NPR3: variants seen among roughly 807,000 people sequenced by gnomAD.
NPR3 encodes natriuretic peptide receptor 3, also known as atrial natriuretic peptide receptor 3.
In NPR3, 34 loss-of-function variants were observed where a neutral mutation model predicts 54.5. The observed-to-expected ratio is 0.62, with a 90% CI of 0.47 to 0.83. The LOEUF (loss-of-function observed/expected upper bound fraction) is 0.83. NPR3 is among the 40% of genes least tolerant of loss of function. The pLI is 0.00. For missense variants in NPR3, 674 were observed against 720.8 expected, an observed-to-expected ratio of 0.94 and a Z score of 0.74; for synonymous variants, 289 against 297.1, an observed-to-expected ratio of 0.97 and a Z score of 0.28.
At position 32,782,972 on chromosome 5, in the gene NPR3, T is replaced by C. The variant is rs1742418392; in HGVS notation, c.1370T>C (p.Leu457Pro). The change falls in exon 6 of 8, where the codon CTG (leucine) becomes CCG (proline). Residue 457 changes from leucine (L) to proline (P), a missense_variant. Coordinates refer to ENST00000265074, the MANE Select transcript of NPR3 (RefSeq NM_001204375.2). The part of the protein sequence containing the change: ...NVKYPWGPLK[L>P]RIDENRIVEH... ...AAATATCCTTGGGGCCCTTTAAAAC[T>C]GAGAATAGATGAAAACCGAATTGTA... The C allele has an allele frequency of 6.2e-7, 1 of 1,608,880 alleles. No individual in the cohort carries two copies. The highest frequency in any genetic ancestry group is 1.1e-5 in the South Asian group (1 of 90,082).
chr5:32,740,547 AC>A (rs1348751859), intron 3 of NPR3, among the ~76,000 whole-genome samples: 1 of 152,024 alleles, frequency 6.6e-6, no homozygotes, highest in Non-Finnish European at 1.5e-5. Flanking sequence ...ATACAATGTG[AC>A]CCAAAAAAGT....
At chr5:32,701,006 TCCA>T (rs1737772130) in intron 1 of NPR3, among the ~76,000 whole-genome samples, 1 of 152,202 alleles carries the variant, frequency 6.6e-6, no homozygotes, top group South Asian at 2.1e-4. Context: ...AATTTACACT[TCCA>T]CCAACAGTGT....
chr5:32,756,702 G>A (rs2111998518), intron 3 of NPR3, among the ~76,000 whole-genome samples: 1 of 152,264 alleles, frequency 6.6e-6, no homozygotes, highest in South Asian at 2.1e-4. Context: ...GAATGGTATT[G>A]CCTAGGTTTT....
intron 1 of NPR3, among the ~76,000 whole-genome samples, chr5:32,700,029 G>T (rs1304288990): frequency 1.3e-5 from 2 of 152,114 alleles, no homozygotes; most frequent in Non-Finnish European, 2.9e-5. Context: ...ACTCTCTCCT[G>T]GCCTGTAAGG....
At chr5:32,755,938 A>AT (rs1376056312) in intron 3 of NPR3, among the ~76,000 whole-genome samples, 1 of 152,096 alleles carries the variant, frequency 6.6e-6, no homozygotes, top group Non-Finnish European at 1.5e-5. Context: ...TGAACTCATC[A>AT]TTTTTTATGG....
Position 32,787,235 on chromosome 5 carries a change from C to A in NPR3, c.*890C>A, listed in dbSNP as rs1269400268. 2 of 152,554 alleles carry A rather than the reference C, an allele frequency of 1.3e-5. No individual in the cohort carries two copies. Among genetic ancestry groups the A allele is most frequent in the Admixed American group, 6.5e-5 (1 of 15,276 alleles). The allele number at this position is 152,554 out of a possible 1,614,324, so 9.5% of individuals were successfully genotyped here. ...GTTTCCCTTTTTCCCTTGGCCACAG[C>A]CAAATGCTAATTGCTGCTTTAATTA... On this transcript the variant is annotated 3_prime_UTR_variant, in exon 8 of 8. Transcript: ENST00000265074.
intron 4 of NPR3, among the ~76,000 whole-genome samples, chr5:32,777,688 T>C (rs558368290): frequency 1.3e-5 from 2 of 152,188 alleles, no homozygotes; most frequent in South Asian, 2.1e-4. Flanking sequence ...ATGGTGGCAA[T>C]TGGTAGATTT....
chr5:32,746,246 T>C (rs923312970), intron 3 of NPR3, among the ~76,000 whole-genome samples: 1 of 152,240 alleles, frequency 6.6e-6, no homozygotes, highest in African/African-American at 2.4e-5. Context: ...GTGGATGTTT[T>C]CTTGACCTAG....
At chr5:32,745,245 G>A (rs1002259179) in intron 3 of NPR3, among the ~76,000 whole-genome samples, 1 of 152,142 alleles carries the variant, frequency 6.6e-6, no homozygotes. Flanking sequence ...GGACCATCTG[G>A]AGGTCCCCTG....
chr5:32,757,394 G>A (rs986072812), intron 3 of NPR3, among the ~76,000 whole-genome samples: 13 of 151,844 alleles, frequency 8.6e-5, no homozygotes, highest in Non-Finnish European at 1.9e-4. Context: ...CTCATGATTT[G>A]GCTATTTGTC....
chr5:32,712,323 A>G lies in NPR3; in HGVS notation c.547A>G (p.Lys183Glu), dbSNP rs758572889. Residue 183 changes from lysine (K) to glutamate (E), a missense_variant, in exon 1 of 8, where the codon AAG (lysine) becomes GAG (glutamate). Physicochemically the swap from Lys to Glu is moderately conservative, Grantham distance 56. Coordinates refer to ENST00000265074, the MANE Select transcript of NPR3 (RefSeq NM_001204375.2). ...CACGCGCGTGGCGCCCGCCTACGCC[A>G]AGATGGGCGAGATGATGCTCGCCCT... ...HLTRVAPAYAKMGEMMLALFR... is the reference protein window; with the variant it reads ...HLTRVAPAYAEMGEMMLALFR... 1.2e-6 allele frequency: 2 copies of G among 1,613,446 alleles called. No homozygotes were observed. Among genetic ancestry groups the G allele is most frequent in the Non-Finnish European group, 1.7e-6 (2 of 1,179,692 alleles).
chr5:32,767,980 C>G (rs990910732), intron 3 of NPR3, among the ~76,000 whole-genome samples: 3 of 152,298 alleles, frequency 2.0e-5, no homozygotes, highest in African/African-American at 4.8e-5. Flanking sequence ...CCTCCACCTC[C>G]GTTTGACCTG....
chr5:32,748,663 AGGGACC>A (rs1740424525), intron 3 of NPR3, among the ~76,000 whole-genome samples: 1 of 152,206 alleles, frequency 6.6e-6, no homozygotes, highest in African/African-American at 2.4e-5. Context: ...TGACAGGGAA[AGGGACC>A]TGGAGGAGTA....
chr5:32,724,730 C>G lies in NPR3; in HGVS notation c.802C>G (p.Arg268Gly), dbSNP rs779442645. The change falls in exon 2 of 8, where the codon CGG (arginine) becomes GGG (glycine). Residue 268 changes from arginine (R) to glycine (G), a missense_variant. Physicochemically the swap from Arg to Gly is moderately radical, Grantham distance 125. Transcript: ENST00000265074. ...VIMCASSDTI[R>G]SIMLVAHRHG... ...CATGTGTGCGAGCAGTGACACCATC[C>G]GGAGCATCATGCTGGTGGCGCACAG... is the stretch of plus-strand genomic sequence containing the variant. 9.3e-6 allele frequency: 15 copies of G among 1,613,790 alleles called. No homozygotes were observed. Among genetic ancestry groups the G allele is most frequent in the Non-Finnish European group, 1.2e-5 (14 of 1,179,862 alleles).
rs1230457413 is a variant in NPR3, at chr5:32,711,481, C to A, written c.-296C>A. 4.4e-6 allele frequency: 5 copies of A among 1,134,526 alleles called. No homozygotes were observed. Among genetic ancestry groups the A allele is most frequent in the South Asian group, 8.8e-5 (2 of 22,678 alleles). 70.3% of individuals were successfully genotyped at this position (1,134,526 alleles called of 1,614,324 possible). A position where few individuals can be genotyped will look rare whatever the true frequency, so the allele number is the denominator to read the frequency against. On this transcript the variant is annotated 5_prime_UTR_variant, in exon 1 of 8. Coordinates refer to ENST00000265074, the MANE Select transcript of NPR3 (RefSeq NM_001204375.2). Reference sequence around the variant, plus strand: ...CTAAGCAAAATAGTATATGTATAAACGGAGGGCGAATATATACAAGTATAT... The same window carrying A: ...CTAAGCAAAATAGTATATGTATAAAAGGAGGGCGAATATATACAAGTATAT...
At chr5:32,702,852 G>A (rs1737863546) in intron 1 of NPR3, among the ~76,000 whole-genome samples, 1 of 152,078 alleles carries the variant, frequency 6.6e-6, no homozygotes, top group Non-Finnish European at 1.5e-5. Flanking sequence ...CTTCCACAAT[G>A]GTTGAACTAG....
intron 3 of NPR3, among the ~76,000 whole-genome samples, chr5:32,749,260 T>G (rs1302384709): frequency 6.6e-6 from 1 of 152,154 alleles, no homozygotes; most frequent in Non-Finnish European, 1.5e-5. Context: ...GTATATTACA[T>G]TTGTTGAGAT....
chr5:32,728,958 T>G (rs1579616829), intron 2 of NPR3, among the ~76,000 whole-genome samples: 1 of 145,056 alleles, frequency 6.9e-6, no homozygotes, highest in East Asian at 2.0e-4. Context: ...AAACATAGCC[T>G]AAAGATAATT....
intron 3 of NPR3, among the ~76,000 whole-genome samples, chr5:32,756,569 C>A (rs572691420): frequency 6.6e-6 from 1 of 152,054 alleles, no homozygotes; most frequent in African/African-American, 2.4e-5. Context: ...TTTACTCTGA[C>A]GGTAGTTTCT....
Sources: allele counts gnomAD v4.1 joint callset (sites outside exome capture counted in the v4.1 genomes callset), GRCh38; gene constraint gnomAD v4.1.1; transcripts MANE v1.5; gene names NCBI Gene and HGNC (gene_info 2026-07-23, HGNC 2026-07-21).